The following CNTN4 variants were observed in gnomAD, a reference collection of about 807,000 sequenced individuals.
CNTN4 encodes the protein contactin-4.
Under a neutral mutation model 122.5 loss-of-function variants are expected in CNTN4, and 77 were observed. The ratio of observed to expected loss-of-function variants is 0.63; its 90% CI spans 0.52 to 0.76. CNTN4 has a LOEUF of 0.76. Among genes scored for constraint, CNTN4 ranks in the 30% least tolerant of loss-of-function variants. CNTN4 has a pLI of 0.00. For missense variants in CNTN4, 1,256 were observed against 1,259.1 expected, an observed-to-expected ratio of 1.00 and a Z score of 0.04; for synonymous variants, 512 against 447.0, an observed-to-expected ratio of 1.15 and a Z score of -1.83.
rs544817018 is a variant in CNTN4 at position 2,369,714 on chromosome 3, G to A, written c.-89+30481G>A. 7.2e-5 allele frequency among the ~76,000 whole-genome samples: 11 copies of A among 152,064 alleles called. 1 individual carries two copies. The South Asian group carries it at 2.1e-3, about 29-fold the overall frequency. ...ATTTACATCTTCAAGAATGCGCGAG[G>A]TTCTTCTCTGAAGCAGAGCCCTGCA... On this transcript the variant is annotated intron_variant, in intron 3 of 24. Transcript: ENST00000418658.
intron 4 of CNTN4, among the ~76,000 whole-genome samples, chr3:2,644,986 G>GA (rs2083057072): frequency 6.6e-6 from 1 of 151,020 alleles, no homozygotes; most frequent in Non-Finnish European, 1.5e-5. Context: ...AAGTGGCAAA[G>GA]AAAAAAAATT....
intron 6 of CNTN4, among the ~76,000 whole-genome samples, chr3:2,795,810 A>T (rs1488113643): frequency 1.3e-5 from 2 of 151,956 alleles, no homozygotes; most frequent in African/African-American, 4.8e-5. Flanking sequence ...GTGAGCCACC[A>T]CGCCCAGCCA....
intron 3 of CNTN4, among the ~76,000 whole-genome samples, chr3:2,441,390 G>C (rs79271330): frequency 0.013 from 1,925 of 152,184 alleles, 35 homozygotes; most frequent in African/African-American, 0.039. Context: ...AATCAGCATT[G>C]CTTACCATAG....
chr3:2,840,504 T>C lies in CNTN4; in HGVS notation c.454+20923T>C, dbSNP rs543352762. On this transcript the variant is annotated intron_variant, in intron 7 of 24. Transcript: ENST00000418658. ...TCACGAGGTCAGGAGATCGAGACCA[T>C]CCTGGCTAACACGGTGAAACCCCGT... Among the ~76,000 whole-genome samples, 164 of 134,896 alleles carry C rather than the reference T, an allele frequency of 1.2e-3. 1 individual carries two copies. Among genetic ancestry groups the C allele is most frequent in the African/African-American group, 3.9e-3 (150 of 38,010 alleles). 88.5% of individuals were successfully genotyped at this position (134,896 alleles called of 152,430 possible).
intron 6 of CNTN4, among the ~76,000 whole-genome samples, chr3:2,747,014 T>C (rs1266632267): frequency 6.6e-6 from 1 of 151,778 alleles, no homozygotes. Context: ...TACGGGAAAA[T>C]CTCATTATTT....
chr3:2,379,550 A>G (rs1246960194), intron 3 of CNTN4, among the ~76,000 whole-genome samples: 1 of 152,226 alleles, frequency 6.6e-6, no homozygotes, highest in Admixed American at 6.5e-5. Context: ...CTATGTTAGT[A>G]TAAATTGTTA....
intron 2 of CNTN4, among the ~76,000 whole-genome samples, chr3:2,200,595 G>A (rs1282452393): frequency 2.0e-5 from 3 of 152,188 alleles, no homozygotes. Context: ...CCAAGGTTGA[G>A]AAACCCTGAA....
chr3:2,606,005 T>C (rs2081242854), intron 4 of CNTN4, among the ~76,000 whole-genome samples: 1 of 152,176 alleles, frequency 6.6e-6, no homozygotes, highest in East Asian at 1.9e-4. Flanking sequence ...CCAAGAGGAC[T>C]GAGATGTGAA....
At chr3:2,224,294 C>T (rs780415453) in intron 2 of CNTN4, among the ~76,000 whole-genome samples, 3 of 152,128 alleles carry the variant, frequency 2.0e-5, no homozygotes, top group Non-Finnish European at 4.4e-5. Context: ...CCTATGTGAC[C>T]AGCTTCTCCT....
chr3:2,388,446 G>C (rs2046324930), intron 3 of CNTN4, among the ~76,000 whole-genome samples: 1 of 152,162 alleles, frequency 6.6e-6, no homozygotes. Context: ...GCCACACCTT[G>C]CTATTAATTA....
At chr3:2,854,622 G>C (rs1299503899) in intron 7 of CNTN4, among the ~76,000 whole-genome samples, 1 of 152,086 alleles carries the variant, frequency 6.6e-6, no homozygotes, top group Non-Finnish European at 1.5e-5. Context: ...ATTTGTGCTC[G>C]TGATTTAAAT....
rs577790362 is a variant in CNTN4 at position 2,621,223 on chromosome 3, G to T, written c.55+49665G>T. ...GCTGATGTATATGAAAGTATAACAT[G>T]CAGCAAGGGAACTAGACTGAGTCTG... On this transcript the variant is annotated intron_variant, in intron 4 of 24. Transcript: ENST00000418658. 2.0e-4 allele frequency among the ~76,000 whole-genome samples: 30 copies of T among 152,248 alleles called. 1 individual carries two copies. In the South Asian group the frequency reaches 6.2e-3, roughly 32 times the overall value.
intron 4 of CNTN4, among the ~76,000 whole-genome samples, chr3:2,625,657 ACTAGAT>A (rs2082156352): frequency 6.6e-6 from 1 of 152,176 alleles, no homozygotes; most frequent in Admixed American, 6.5e-5. Flanking sequence ...TGCTGCTATA[ACTAGAT>A]CTGTTTATCT....
At chr3:2,999,891 A>G (rs1695873750) in intron 14 of CNTN4, among the ~76,000 whole-genome samples, 1 of 152,170 alleles carries the variant, frequency 6.6e-6, no homozygotes, top group Admixed American at 6.5e-5. Flanking sequence ...AACTTTTCCT[A>G]TTGAAATTTC....
chr3:2,351,107 C>G (rs1437286019), intron 3 of CNTN4, among the ~76,000 whole-genome samples: 1 of 152,178 alleles, frequency 6.6e-6, no homozygotes, highest in Non-Finnish European at 1.5e-5. Flanking sequence ...AGCTCAAGTT[C>G]TGTTTATAGC....
At chr3:2,649,586 G>T (rs988959252) in intron 4 of CNTN4, among the ~76,000 whole-genome samples, 4 of 152,110 alleles carry the variant, frequency 2.6e-5, no homozygotes, top group African/African-American at 7.2e-5. Flanking sequence ...TATTACTTGT[G>T]TTTGACAATG....
intron 23 of CNTN4, among the ~76,000 whole-genome samples, chr3:3,050,750 T>G (rs1166956502): frequency 1.0e-5 from 1 of 100,130 alleles, no homozygotes. Context: ...GCAATAAGAG[T>G]GAAACTCCGT....
intron 4 of CNTN4, among the ~76,000 whole-genome samples, chr3:2,615,149 G>C (rs540846585): frequency 8.7e-4 from 133 of 152,152 alleles, no homozygotes; most frequent in Non-Finnish European, 1.6e-3. Context: ...AAAATTCTCT[G>C]CATTTGCTTC....
At chr3:2,379,510 C>T (rs1156880254) in intron 3 of CNTN4, among the ~76,000 whole-genome samples, 1 of 152,186 alleles carries the variant, frequency 6.6e-6, no homozygotes, top group African/African-American at 2.4e-5. Context: ...CGGAGTACCA[C>T]AGGCCTCTTT....
Sources: allele counts gnomAD v4.1 joint callset (sites outside exome capture counted in the v4.1 genomes callset), GRCh38; gene constraint gnomAD v4.1.1; transcripts MANE v1.5; gene names NCBI Gene and HGNC (gene_info 2026-07-23, HGNC 2026-07-21).